Variants in MTSS1 observed in about 807,000 individuals in gnomAD.
MTSS1 encodes the protein MTSS I-BAR domain containing 1.
MTSS1 carries 18 observed loss-of-function variants against 79.0 expected under a neutral mutation model. The observed-to-expected ratio is 0.23, with a 90% CI of 0.16 to 0.34. The LOEUF (loss-of-function observed/expected upper bound fraction) is 0.34. MTSS1 is among the 10% of genes least tolerant of loss of function. The pLI, the probability that MTSS1 is intolerant of heterozygous loss-of-function variation, is 1.00. For synonymous variants in MTSS1, 341 were observed against 368.6 expected (o/e 0.93, Z 0.86); for missense variants, 815 against 986.2 (o/e 0.83, Z 2.33).
intron 8 of MTSS1, among the ~76,000 whole-genome samples, chr8:124,566,500 C>T (rs553892565): frequency 7.2e-5 from 11 of 152,280 alleles, no homozygotes; most frequent in Admixed American, 2.6e-4. Context: ...ATCAGTTCCC[C>T]CAAATATGTC....
At chr8:124,675,767 C>T (rs150575971) in intron 3 of MTSS1, among the ~76,000 whole-genome samples, 33 of 152,350 alleles carry the variant, frequency 2.2e-4, no homozygotes, top group African/African-American at 7.7e-4. Flanking sequence ...GACCTCTTGT[C>T]TCTTGACTTT....
intron 3 of MTSS1, among the ~76,000 whole-genome samples, chr8:124,668,299 C>T (rs973265305): frequency 3.3e-5 from 5 of 152,140 alleles, no homozygotes; most frequent in Admixed American, 6.5e-5. Context: ...AGGCCCTAAC[C>T]CTACCAATGT....
At chr8:124,601,182 A>T (rs140565951) in intron 3 of MTSS1, among the ~76,000 whole-genome samples, 5,714 of 146,790 alleles carry the variant, frequency 0.039, 368 homozygotes, top group African/African-American at 0.13. Flanking sequence ...TGCCTCAGCC[A>T]CCCGAGTACC....
At chr8:124,556,471 A>G in intron 11 of MTSS1, 66 bp from the exon 12 acceptor site, 1 of 1,492,216 alleles carries the variant, frequency 6.7e-7, no homozygotes, top group Non-Finnish European at 9.0e-7. Context: ...CGGGGACCCC[A>G]TAGACAGCTC....
rs570817732 is a variant in MTSS1 at position 124,556,321 on chromosome 8, C to T, written c.1315G>A (p.Gly439Arg). ...RKEKREPDPN[G>R]GGPTTASGPP... is the part of the protein sequence containing the mutation. ...CCGCTGGCGGTAGTGGGTCCTCCCCCGTTGGGGTCCGGTTCTCGCTTCTCT... is the reference window on the plus strand; with the variant it reads ...CCGCTGGCGGTAGTGGGTCCTCCCCTGTTGGGGTCCGGTTCTCGCTTCTCT... Residue 439 changes from glycine to arginine, a missense_variant, in exon 12 of 14, where the codon GGG becomes AGG. By Grantham distance (125) the Gly-to-Arg change is moderately radical. This residue lies in a region of MTSS1 where 590 missense variants were observed against 620.8 expected (regional missense o/e 0.95). Coordinates refer to ENST00000518547, the MANE Select transcript of MTSS1 (RefSeq NM_014751.6). The T allele has an allele frequency of 1.8e-5, 29 of 1,614,114 alleles. No individual in the cohort carries two copies. The highest frequency in any genetic ancestry group is 6.6e-5 in the South Asian group (6 of 91,092).
intron 3 of MTSS1, among the ~76,000 whole-genome samples, chr8:124,672,226 G>A (rs1421111421): frequency 6.6e-6 from 1 of 152,240 alleles, no homozygotes; most frequent in African/African-American, 2.4e-5. Context: ...AGGTGCAGTG[G>A]CTCATGCCTG....
chr8:124,658,154 T>C (rs1484627885), intron 3 of MTSS1, among the ~76,000 whole-genome samples: 1 of 152,206 alleles, frequency 6.6e-6, no homozygotes, highest in Non-Finnish European at 1.5e-5. Context: ...CTGGGTGATA[T>C]GATTTGGCTC....
At chr8:124,627,877 C>A (rs1174802129) in intron 3 of MTSS1, among the ~76,000 whole-genome samples, 10 of 152,196 alleles carry the variant, frequency 6.6e-5, no homozygotes, top group Admixed American at 6.5e-4. Context: ...AGATAGAAAA[C>A]TAGCAGTGAC....
Position 124,575,398 on chromosome 8 carries a change from A to G in MTSS1, c.461-6862T>C, listed in dbSNP as rs1411993828. ...TAAATAATAACAGTATTGAGCTCAC[A>G]GGGCTGCTGGAAGGGGAAATGAACT... is the stretch of plus-strand genomic sequence containing the variant. On this transcript the variant is annotated intron_variant, in intron 6 of 13. Coordinates refer to ENST00000518547, the MANE Select transcript of MTSS1 (RefSeq NM_014751.6). Among the ~76,000 whole-genome samples, 3 of 152,206 alleles carry G rather than the reference A, an allele frequency of 2.0e-5. No homozygotes were observed. The East Asian group carries it at 5.8e-4, about 29-fold the overall frequency.
intron 1 of MTSS1, among the ~76,000 whole-genome samples, chr8:124,716,320 A>G (rs10956200): frequency 0.47 from 72,026 of 152,074 alleles, 17,330 homozygotes; most frequent in African/African-American, 0.54. Context: ...AGACAGAATT[A>G]GCAAATGAAA....
At chr8:124,644,364 G>A (rs1417850856) in intron 3 of MTSS1, among the ~76,000 whole-genome samples, 1 of 152,158 alleles carries the variant, frequency 6.6e-6, no homozygotes, top group African/African-American at 2.4e-5. Context: ...AGCAGAACAT[G>A]GTAGAATGCT....
chr8:124,617,004 C>A (rs1405562225), intron 3 of MTSS1, among the ~76,000 whole-genome samples: 1 of 151,678 alleles, frequency 6.6e-6, no homozygotes, highest in Non-Finnish European at 1.5e-5. Flanking sequence ...CTGTTTTTCT[C>A]ATTAGGATTA....
intron 4 of MTSS1, among the ~76,000 whole-genome samples, chr8:124,590,359 T>G (rs1831640273): frequency 6.6e-6 from 1 of 152,156 alleles, no homozygotes. Flanking sequence ...CAATGGAGAC[T>G]TTGAGGGTGG....
chr8:124,721,470 C>T (rs541167119), intron 1 of MTSS1, among the ~76,000 whole-genome samples: 1 of 135,868 alleles, frequency 7.4e-6, no homozygotes, highest in Non-Finnish European at 1.5e-5. Flanking sequence ...AGTGCAGTGG[C>T]GTGATCTCAG....
chr8:124,672,462 C>T (rs1179288027), intron 3 of MTSS1, among the ~76,000 whole-genome samples: 1 of 151,062 alleles, frequency 6.6e-6, no homozygotes, highest in Non-Finnish European at 1.5e-5. Context: ...CCACTGCACT[C>T]CAGCCTGGGC....
chr8:124,658,753 C>T (rs986182711), intron 3 of MTSS1, among the ~76,000 whole-genome samples: 6 of 152,124 alleles, frequency 3.9e-5, no homozygotes, highest in South Asian at 2.1e-4. Context: ...AGCAGCAAAG[C>T]GCCAAGGGGG....
chr8:124,672,055 G>C (rs993498355), intron 3 of MTSS1, among the ~76,000 whole-genome samples: 2 of 152,232 alleles, frequency 1.3e-5, no homozygotes, highest in Admixed American at 1.3e-4. Flanking sequence ...AGAGATATCA[G>C]TTGGAATGCA....
At chr8:124,677,086 CCTT>C (rs1475182588) in intron 3 of MTSS1, among the ~76,000 whole-genome samples, 2 of 152,168 alleles carry the variant, frequency 1.3e-5, no homozygotes, top group Non-Finnish European at 2.9e-5. Context: ...CCAAAGTCCT[CCTT>C]CTCATGGTCT....
rs1826547904 is a variant in MTSS1, at chr8:124,684,000, G to A, written c.208+15526C>T. On this transcript the variant is annotated intron_variant, in intron 3 of 13. Transcript: ENST00000518547. This position sits in a 1 kb window ranked among gnomAD's most constrained non-coding sequence, Gnocchi z 4.5. ...AAATAGAATCTTGTATCTGACAACAGCAGAGCAGCACAACCATTTGGTTTG... is the reference window on the plus strand; with the variant it reads ...AAATAGAATCTTGTATCTGACAACAACAGAGCAGCACAACCATTTGGTTTG... Among the ~76,000 whole-genome samples, 1 of 152,204 alleles carries A rather than the reference G, an allele frequency of 6.6e-6. No homozygotes were observed. The highest frequency in any genetic ancestry group is 1.5e-5 in the Non-Finnish European group (1 of 68,030).
Sources: allele counts gnomAD v4.1 joint callset (sites outside exome capture counted in the v4.1 genomes callset), GRCh38; gene constraint gnomAD v4.1.1; regional missense constraint gnomAD v4.1.1; non-coding constraint Gnocchi (gnomAD v3.1); transcripts MANE v1.5; gene names NCBI Gene and HGNC (gene_info 2026-07-23, HGNC 2026-07-21).